ADRA1B: variants seen among roughly 807,000 people sequenced by gnomAD.
ADRA1B encodes adrenoceptor alpha 1B, also known as alpha-1B adrenergic receptor.
Under a neutral mutation model 17.9 loss-of-function variants are expected in ADRA1B, and 17 were observed. The observed-to-expected ratio is 0.95, with a 90% confidence interval of 0.65 to 1.42. The LOEUF is 1.42. Ranked by LOEUF, ADRA1B falls within the 40% of genes most tolerant of loss-of-function variation. The pLI is 0.00. For synonymous variants in ADRA1B, 366 were observed against 327.6 expected, an observed-to-expected ratio of 1.12 and a Z score of -1.27; for missense variants, 681 against 722.1, an observed-to-expected ratio of 0.94 and a Z score of 0.65.
At chr5:159,950,542 T>A (rs1755406680) in intron 1 of ADRA1B, 2 of 1,514,206 alleles carry the variant, frequency 1.3e-6, no homozygotes, top group African/African-American at 2.7e-5. Context: ...CCTGTTGCTG[T>A]AGCCAAATTC....
chr5:159,983,941 C>T, the ADRA1B span, among the ~76,000 whole-genome samples: 1 of 152,066 alleles, frequency 6.6e-6, no homozygotes, highest in Non-Finnish European at 1.5e-5. Context: ...TTCATCCTTA[C>T]TTCTCCTTGA....
chr5:159,939,865 G>A (rs901152786), intron 1 of ADRA1B, among the ~76,000 whole-genome samples: 4 of 152,118 alleles, frequency 2.6e-5, no homozygotes, highest in East Asian at 1.9e-4. Flanking sequence ...AGTTCCTCCA[G>A]CTCAAATTTA....
intron 1 of ADRA1B, among the ~76,000 whole-genome samples, chr5:159,954,458 C>T (rs1301593100): frequency 1.3e-5 from 2 of 152,176 alleles, no homozygotes; most frequent in African/African-American, 2.4e-5. Flanking sequence ...AAGGCCCCAC[C>T]TCCTGATACC....
chr5:159,940,490 C>T (rs1012001954), intron 1 of ADRA1B, among the ~76,000 whole-genome samples: 1 of 152,136 alleles, frequency 6.6e-6, no homozygotes, highest in Admixed American at 6.5e-5. Flanking sequence ...TCCACTGCCC[C>T]CAACCCTGCT....
At position 159,916,744 on chromosome 5, in the gene ADRA1B, G is replaced by T; in HGVS notation, c.-162G>T. On this transcript the variant is annotated 5_prime_UTR_variant, in exon 1 of 2. Coordinates refer to ENST00000306675, the MANE Select transcript of ADRA1B (RefSeq NM_000679.4). ...GAGCGACTCGGTGCAGGCAGGAGAC[G>T]TGCTGCCGGGCTGGGCTGCCCGGGG... 2 of 652,492 alleles carry T rather than the reference G, an allele frequency of 3.1e-6. No homozygotes were observed. Among genetic ancestry groups the T allele is most frequent in the Non-Finnish European group, 2.7e-6 (1 of 375,610 alleles). 40.4% of individuals were successfully genotyped at this position (652,492 alleles called of 1,614,324 possible).
chr5:159,988,298 G>C, the ADRA1B span, among the ~76,000 whole-genome samples: 13 of 152,278 alleles, frequency 8.5e-5, no homozygotes, highest in East Asian at 5.8e-4. Context: ...CAGGAGCCTC[G>C]GGAAAGAATC....
chr5:159,921,716 T>G (rs1278834802), intron 1 of ADRA1B, among the ~76,000 whole-genome samples: 1 of 152,216 alleles, frequency 6.6e-6, no homozygotes, highest in Non-Finnish European at 1.5e-5. Context: ...AAGGTCAATT[T>G]CAAAGAAACA....
Position 159,881,387 on chromosome 5 carries a change from A to G in ADRA1B, c.-256+16181A>G, listed in dbSNP as rs150174965. On this transcript the variant is annotated intron_variant, in intron 1 of 2. Transcript: ENST00000641205. Reference sequence around the variant, plus strand: ...GCCCCTACCCATTCCCATGTTCTCTATATCTACCTTCATTTTGTGTATCTA... The same window carrying G: ...GCCCCTACCCATTCCCATGTTCTCTGTATCTACCTTCATTTTGTGTATCTA... Among the ~76,000 whole-genome samples the G allele has an allele frequency of 2.3e-4, 34 of 148,282 alleles. No individual in the cohort carries two copies. The East Asian group carries it at 6.3e-3, about 28-fold the overall frequency.
chr5:159,966,634 G>A (rs1472537821), intron 1 of ADRA1B, among the ~76,000 whole-genome samples: 1 of 152,240 alleles, frequency 6.6e-6, no homozygotes, highest in Non-Finnish European at 1.5e-5. Context: ...GGCTGAAAGA[G>A]CCCAGAGGTG....
intron 1 of ADRA1B, among the ~76,000 whole-genome samples, chr5:159,897,583 A>G (rs1007352034): frequency 1.3e-5 from 2 of 152,148 alleles, no homozygotes; most frequent in African/African-American, 4.8e-5. Context: ...GTTTCCTCCA[A>G]TGGCTTTCCA....
chr5:159,954,803 A>C (rs1275493600), intron 1 of ADRA1B, among the ~76,000 whole-genome samples: 1 of 152,190 alleles, frequency 6.6e-6, no homozygotes, highest in African/African-American at 2.4e-5. Flanking sequence ...AGCACAGGCA[A>C]TAACACCGAA....
At chr5:159,957,929 C>CAAAAAAAAAAAAAAAAAA (rs35956137) in intron 1 of ADRA1B, among the ~76,000 whole-genome samples, 37 of 66,832 alleles carry the variant, frequency 5.5e-4, no homozygotes, top group Admixed American at 8.0e-4. Flanking sequence ...AACCCCATCT[C>CAAAAAAAAAAAAAAAAAA]AAAAAAAAAA....
intron 1 of ADRA1B, chr5:159,868,700 C>G (rs558218269): frequency 6.6e-6 from 1 of 152,288 alleles, no homozygotes; most frequent in South Asian, 2.1e-4. Flanking sequence ...CCTGAAAGAT[C>G]ATTTAGACCA....
the ADRA1B span, among the ~76,000 whole-genome samples, chr5:159,984,673 G>A: frequency 1.9e-4 from 29 of 151,966 alleles, no homozygotes; most frequent in Non-Finnish European, 3.5e-4. Context: ...CGAGGTGGGT[G>A]GATCACCTGA....
In ADRA1B at chr5:159,963,882, T is replaced by C. The variant is rs145453449; in HGVS notation, c.950-7997T>C. Among the ~76,000 whole-genome samples, 8 of 152,358 alleles carry C rather than the reference T, an allele frequency of 5.3e-5. No homozygotes were observed. In the East Asian group the frequency reaches 1.5e-3, roughly 29 times the overall value. On this transcript the variant is annotated intron_variant, in intron 1 of 1. Transcript: ENST00000306675. ...TGTGAGCCTTTGACCCTTGCACTTC[T>C]CAGTCCCTCTAAATCGCCCTTGGGC... is the stretch of plus-strand genomic sequence containing the variant.
Position 159,917,354 on chromosome 5 carries a change from C to A in ADRA1B, c.449C>A (p.Ser150Tyr). 1 of 1,614,156 alleles carries A rather than the reference C, an allele frequency of 6.2e-7. No homozygotes were observed. Among genetic ancestry groups the A allele is most frequent in the Non-Finnish European group, 8.5e-7 (1 of 1,180,036 alleles). The change falls in exon 1 of 2, where the codon TCT becomes TAT. Residue 150 changes from serine (S) to tyrosine (Y), a missense_variant. Ser to Tyr is a moderately radical substitution (Grantham distance 144, BLOSUM62 -2). This residue lies in a region of ADRA1B where 424 missense variants were observed against 480.2 expected (regional missense o/e 0.88). Transcript: ENST00000306675. ...SIDRYIGVRYSLQYPTLVTRR... is the reference protein window; with the variant it reads ...SIDRYIGVRYYLQYPTLVTRR... ...GATCGCTACATCGGGGTGCGCTACT[C>A]TCTGCAGTATCCCACGCTGGTCACC...
chr5:159,915,561 C>A (rs1754281089), upstream of ADRA1B, among the ~76,000 whole-genome samples: 1 of 152,080 alleles, frequency 6.6e-6, no homozygotes, highest in African/African-American at 2.4e-5. Flanking sequence ...AAGGAAAAAA[C>A]TCAACAAATA....
At chr5:159,865,495 G>A (rs114697361) in intron 1 of ADRA1B, among the ~76,000 whole-genome samples, 1,796 of 152,270 alleles carry the variant, frequency 0.012, 36 homozygotes, top group African/African-American at 0.041. Flanking sequence ...ACTAATTCTC[G>A]CAATCTCTAT....
intron 1 of ADRA1B, among the ~76,000 whole-genome samples, chr5:159,896,177 G>A (rs1160718235): frequency 6.6e-6 from 1 of 152,182 alleles, no homozygotes; most frequent in East Asian, 1.9e-4. Flanking sequence ...ACTTGAAGAT[G>A]AAGCAGAACT....
Sources: gnomAD v4.1 joint callset for allele counts (sites outside exome capture counted in the v4.1 genomes callset) on GRCh38, gnomAD v4.1.1 for gene constraint, gnomAD v4.1.1 regional missense constraint, MANE v1.5 for transcripts, NCBI Gene and HGNC (gene_info 2026-07-23, HGNC 2026-07-21) for gene names.